Variants in OVCH1 observed in about 807,000 individuals in gnomAD.
OVCH1 encodes the protein ovochymase 1, also known as ovochymase-1.
A neutral mutation model predicts 138.4 loss-of-function variants in OVCH1; 139 were observed. That is an observed-to-expected ratio of 1.00 (90% CI 0.87 to 1.16). The LOEUF is 1.16. Ranked by LOEUF, OVCH1 falls within the 50% of genes most tolerant of loss-of-function variation. The pLI is 0.00. For synonymous variants in OVCH1, 453 were observed against 467.8 expected, an observed-to-expected ratio of 0.97 and a Z score of 0.41; for missense variants, 1,367 against 1,357.9, an observed-to-expected ratio of 1.01 and a Z score of -0.11.
At chr12:29,464,891 G>A in intron 17 of OVCH1, 189 bp from the exon 18 acceptor site, 1 of 674,934 alleles carries the variant, frequency 1.5e-6, no homozygotes, top group Non-Finnish European at 2.4e-6. Flanking sequence ...CCACCTTCTG[G>A]ATAAAGGTGG....
At chr12:29,465,202 G>A in exon 17 of OVCH1, 4 of 1,602,578 alleles carry the variant, frequency 2.5e-6, no homozygotes, top group Middle Eastern at 1.7e-4. Context: ...AATAGTCCAG[G>A]AGAGTGGATT....
intron 21 of OVCH1, among the ~76,000 whole-genome samples, chr12:29,453,430 A>G (rs1026435410): frequency 2.6e-5 from 4 of 152,070 alleles, no homozygotes; most frequent in Non-Finnish European, 4.4e-5. Flanking sequence ...ATTTTCCTCC[A>G]GTGATCTTGT....
At chr12:29,478,726 G>A in intron 9 of OVCH1, 109 bp downstream of exon 10, 2 of 585,592 alleles carry the variant, frequency 3.4e-6, no homozygotes, top group Non-Finnish European at 5.2e-6. Flanking sequence ...ATAAATAATG[G>A]CTACTCCATA....
intron 14 of OVCH1, among the ~76,000 whole-genome samples, chr12:29,474,074 T>TACACACACACACACACAC (rs146655743): frequency 5.4e-4 from 79 of 145,276 alleles, no homozygotes; most frequent in African/African-American, 4.8e-4. Flanking sequence ...CACACACACA[T>TACACACACACACACACAC]ACACACACAC....
At chr12:29,431,582 T>C (rs1245326645) in intron 27 of OVCH1, among the ~76,000 whole-genome samples, 1 of 152,184 alleles carries the variant, frequency 6.6e-6, no homozygotes. Context: ...ATTTAATTTA[T>C]TGTGACCATT....
At chr12:29,446,326 A>T (rs917135619) in intron 22 of OVCH1, among the ~76,000 whole-genome samples, 1 of 152,176 alleles carries the variant, frequency 6.6e-6, no homozygotes, top group Non-Finnish European at 1.5e-5. Flanking sequence ...TTGGCATTTT[A>T]AAGTATACAA....
intron 21 of OVCH1, among the ~76,000 whole-genome samples, chr12:29,453,334 C>T (rs1178335210): frequency 6.6e-6 from 1 of 152,124 alleles, no homozygotes; most frequent in African/African-American, 2.4e-5. Flanking sequence ...CGGTCATTTT[C>T]TCCAACACTT....
intron 1 of OVCH1, 37 bp downstream of exon 1, chr12:29,497,586 T>C: frequency 6.2e-7 from 1 of 1,610,858 alleles, no homozygotes; most frequent in Non-Finnish European, 8.5e-7. Flanking sequence ...ACGCTCAGCC[T>C]CCTCCGCAGT....
intron 4 of OVCH1, among the ~76,000 whole-genome samples, chr12:29,493,664 T>C (rs1244526790): frequency 6.6e-6 from 1 of 152,214 alleles, no homozygotes; most frequent in Non-Finnish European, 1.5e-5. Context: ...TACATTTTTA[T>C]ATTTTCATGT....
chr12:29,417,939 A>C (rs1941054427), intron 3 of OVCH1, among the ~76,000 whole-genome samples: 1 of 152,248 alleles, frequency 6.6e-6, no homozygotes, highest in African/African-American at 2.4e-5. Context: ...GCAGGATGGA[A>C]GCATTGAAAA....
chr12:29,415,309 A>G (rs577287860), intron 3 of OVCH1, among the ~76,000 whole-genome samples: 17 of 152,304 alleles, frequency 1.1e-4, no homozygotes, highest in African/African-American at 3.8e-4. Context: ...TAGAAGACAG[A>G]ATCATGCAGG....
rs1270599670 is a variant in OVCH1 at position 29,455,547 on chromosome 12, C to T, written c.2281-142G>A. The stretch of plus-strand genomic sequence containing the variant: ...TTTGTTTTGTCAATTTCCATCTTTA[C>T]ATACTATCTATTCACTGTTTTGCAA... On this transcript the variant is annotated intron_variant, in intron 19 of 27. Coordinates refer to ENST00000318184, the Ensembl canonical transcript of OVCH1. The T allele has an allele frequency of 8.1e-6, 8 of 985,840 alleles. No homozygotes were observed. In the Admixed American group the frequency reaches 1.8e-4, roughly 22 times the overall value. 61.1% of individuals were successfully genotyped at this position (985,840 alleles called of 1,614,324 possible). A position where few individuals can be genotyped will look rare whatever the true frequency, so the allele number is the denominator to read the frequency against.
chr12:29,444,823 A>C (rs1443692752), intron 23 of OVCH1, among the ~76,000 whole-genome samples: 1 of 152,052 alleles, frequency 6.6e-6, no homozygotes, highest in Non-Finnish European at 1.5e-5. Context: ...ATAATACTAG[A>C]ATCTAATATT....
At chr12:29,455,838 A>T (rs1388878886) in intron 19 of OVCH1, among the ~76,000 whole-genome samples, 2 of 152,062 alleles carry the variant, frequency 1.3e-5, no homozygotes, top group East Asian at 1.9e-4. Context: ...TTCTTTTTTT[A>T]AATTTTTTTA....
intron 21 of OVCH1, among the ~76,000 whole-genome samples, chr12:29,454,596 A>G (rs1054970626): frequency 1.1e-4 from 16 of 152,160 alleles, no homozygotes; most frequent in African/African-American, 3.9e-4. Context: ...TAATTCTCCA[A>G]TATTCAAGCA....
chr12:29,488,314 A>G (rs911405084), intron 6 of OVCH1, among the ~76,000 whole-genome samples: 2 of 152,072 alleles, frequency 1.3e-5, no homozygotes, highest in African/African-American at 4.8e-5. Flanking sequence ...CAAGGCCTCA[A>G]AGCTTTAAAA....
intron 22 of OVCH1, among the ~76,000 whole-genome samples, chr12:29,448,814 A>G (rs1941689194): frequency 6.6e-6 from 1 of 152,130 alleles, no homozygotes; most frequent in African/African-American, 2.4e-5. Flanking sequence ...AAACAACCCC[A>G]CCCTCAGAGC....
At chr12:29,451,213 G>T (rs1159742438) in intron 22 of OVCH1, 132 bp downstream of exon 22, 2 of 515,340 alleles carry the variant, frequency 3.9e-6, no homozygotes, top group Non-Finnish European at 6.6e-6. Context: ...GTGTTTACAA[G>T]GGAAAAAGCA....
chr12:29,451,244 A>G (rs1221904359), intron 22 of OVCH1, 101 bp downstream of exon 22: 1 of 860,236 alleles, frequency 1.2e-6, no homozygotes, highest in Non-Finnish European at 1.8e-6. Flanking sequence ...ATGGATCAAC[A>G]TTTTGGTAAC....
Sources: gnomAD v4.1 joint callset for allele counts (sites outside exome capture counted in the v4.1 genomes callset) on GRCh38, gnomAD v4.1.1 for gene constraint, MANE v1.5 for transcripts, NCBI Gene and HGNC (gene_info 2026-07-23, HGNC 2026-07-21) for gene names.